MDGA1: variants seen among roughly 807,000 people sequenced by gnomAD.
The protein encoded by MDGA1 is MAM domain-containing glycosylphosphatidylinositol anchor protein 1.
MDGA1 carries 54 observed loss-of-function variants against 101.5 expected under a neutral mutation model. The observed-to-expected ratio is 0.53, with a 90% CI of 0.43 to 0.67. The LOEUF (loss-of-function observed/expected upper bound fraction) is 0.67, where lower values mean the gene tolerates loss of function less well. Among genes scored for constraint, MDGA1 ranks in the 30% least tolerant of loss-of-function variants. The pLI is 0.00. For synonymous variants in MDGA1, 533 were observed against 558.3 expected, an observed-to-expected ratio of 0.95 and a Z score of 0.64; for missense variants, 1,083 against 1,323.8, an observed-to-expected ratio of 0.82 and a Z score of 2.82.
chr6:37,665,741 T>TTTGTGTC, intron 1 of MDGA1, among the ~76,000 whole-genome samples: 1 of 152,336 alleles, frequency 6.6e-6, no homozygotes, highest in East Asian at 1.9e-4. Context: ...ACTAAGTGCC[T>TTTGTGTC]TTGTGTCTTC....
intron 1 of MDGA1, among the ~76,000 whole-genome samples, chr6:37,692,637 C>A (rs957286476): frequency 6.6e-6 from 1 of 152,008 alleles, no homozygotes; most frequent in African/African-American, 2.4e-5. Flanking sequence ...CGGGCCTTGG[C>A]GGCTGTGATT....
rs768862034 is a variant in MDGA1 at position 37,646,039 on chromosome 6, G to A, written c.2225-83C>T. The A allele has an allele frequency of 8.1e-6, 13 of 1,596,882 alleles. No individual in the cohort carries two copies. In the Admixed American group the frequency reaches 1.0e-4, roughly 12 times the overall value. ...TACCCTGCTTGGGACCAGAGGACAG[G>A]GTCCTCAGAGCCAGGACTGGGGGCC... On this transcript the variant is annotated intron_variant, in intron 11 of 16. Coordinates refer to ENST00000434837, the MANE Select transcript of MDGA1 (RefSeq NM_153487.4).
chr6:37,678,003 A>C (rs1762017810), intron 1 of MDGA1, among the ~76,000 whole-genome samples: 1 of 152,170 alleles, frequency 6.6e-6, no homozygotes, highest in Admixed American at 6.5e-5. Context: ...CCTCCAGGCC[A>C]GGCCTTGGCT....
intron 1 of MDGA1, among the ~76,000 whole-genome samples, chr6:37,672,991 T>A (rs563935333): frequency 7.5e-4 from 112 of 148,478 alleles, no homozygotes; most frequent in African/African-American, 2.7e-3. Flanking sequence ...AGCTACCCTT[T>A]ATTGACATTT....
chr6:37,658,968 C>CAAAAA (rs34087406), intron 2 of MDGA1, among the ~76,000 whole-genome samples: 3 of 109,498 alleles, frequency 2.7e-5, no homozygotes, highest in East Asian at 2.6e-4. Flanking sequence ...AAGACTGTTT[C>CAAAAA]AAAAAAAAAA....
At chr6:37,682,469 G>T (rs538161287) in intron 1 of MDGA1, among the ~76,000 whole-genome samples, 12 of 152,328 alleles carry the variant, frequency 7.9e-5, no homozygotes, top group African/African-American at 2.6e-4. Flanking sequence ...GGGTGACAGA[G>T]AGAGACTCTG....
intron 1 of MDGA1, among the ~76,000 whole-genome samples, chr6:37,683,541 C>G (rs1279273228): frequency 2.6e-5 from 4 of 152,248 alleles, no homozygotes; most frequent in Non-Finnish European, 4.4e-5. Context: ...AGGGCCATCT[C>G]TGGCCACTAG....
chr6:37,655,137 C>G lies in MDGA1; in HGVS notation c.580-205G>C, dbSNP rs1340616564. 3.2e-6 allele frequency: 2 copies of G among 623,700 alleles called. No individual in the cohort carries two copies. Among genetic ancestry groups the G allele is most frequent in the Non-Finnish European group, 5.5e-6 (2 of 363,026 alleles). The allele number at this position is 623,700 out of a possible 1,614,324, so 38.6% of individuals were successfully genotyped here. On this transcript the variant is annotated intron_variant, in intron 4 of 16. Transcript: ENST00000434837. The surrounding 1 kb of genome is among the most constrained non-coding windows in gnomAD (Gnocchi z 5.1). ...CTCCATAGCCTTGGCAGTGCCTCAT[C>G]ATGGGATTCTCTGGGTCTGAGGTTG...
chr6:37,658,669 C>T (rs561702122), intron 2 of MDGA1, among the ~76,000 whole-genome samples: 196 of 152,220 alleles, frequency 1.3e-3, no homozygotes, highest in African/African-American at 4.6e-3. Flanking sequence ...CGCGCAGTGC[C>T]GTGGTTAAGA....
Position 37,655,820 on chromosome 6 carries a change from C to T in MDGA1, c.459G>A (p.Val153=). Residue 153 remains valine, a synonymous_variant, in exon 4 of 17, where the codon GTG becomes GTA. Transcript: ENST00000434837. The surrounding 1 kb of genome is among the most constrained non-coding windows in gnomAD (Gnocchi z 5.1). ...TGGAGTTGACAGTACAGCGCAGGAACACCGTCTTCTCCTGGTAGAAGTTGC... is the reference window on the plus strand; with the variant it reads ...TGGAGTTGACAGTACAGCGCAGGAATACCGTCTTCTCCTGGTAGAAGTTGC... The part of the protein sequence containing the change: ...VRGNFYQEKT[V]FLRCTVNSNP... The T allele has an allele frequency of 6.2e-7, 1 of 1,613,714 alleles. No homozygotes were observed. The highest frequency in any genetic ancestry group is 8.5e-7 in the Non-Finnish European group (1 of 1,179,762).
chr6:37,652,025 A>T lies in MDGA1; in HGVS notation c.1298T>A (p.Ile433Asn). Residue 433 changes from isoleucine (I) to asparagine (N), a missense_variant, in exon 7 of 17, where the codon ATC (isoleucine) becomes AAC (asparagine). Ile to Asn is a moderately radical substitution (Grantham distance 149). This residue lies in a region of MDGA1 where 657 missense variants were observed against 771.4 expected (regional missense o/e 0.85). Transcript: ENST00000434837. The surrounding 1 kb of genome is among the most constrained non-coding windows in gnomAD (Gnocchi z 4.3). ...PVPDLSVEVN[I>N]SSETVPPTIS... ...CAGCTGCCCACCTGTCTCAGAGGAGATGTTGACCTCGACGCTGAGGTCGGG... is the reference window on the plus strand; with the variant it reads ...CAGCTGCCCACCTGTCTCAGAGGAGTTGTTGACCTCGACGCTGAGGTCGGG... 1 of 1,596,186 alleles carries T rather than the reference A, an allele frequency of 6.3e-7. No individual in the cohort carries two copies. Among genetic ancestry groups the T allele is most frequent in the Non-Finnish European group, 8.5e-7 (1 of 1,173,038 alleles).
intron 9 of MDGA1, chr6:37,648,775 A>G: frequency 1.1e-6 from 1 of 943,486 alleles, no homozygotes; most frequent in Non-Finnish European, 1.5e-6. Flanking sequence ...CGGGGCTGGG[A>G]GGCCCAGGTT....
intron 1 of MDGA1, among the ~76,000 whole-genome samples, chr6:37,676,458 A>G (rs1291029679): frequency 6.6e-6 from 1 of 152,238 alleles, no homozygotes. Flanking sequence ...GTTCTGGCAC[A>G]GGCCTGAATG....
At chr6:37,644,433 T>G in intron 13 of MDGA1, 64 bp downstream of exon 13, 1 of 1,429,676 alleles carries the variant, frequency 7.0e-7, no homozygotes, top group Non-Finnish European at 9.2e-7. Context: ...CAGTCTGGGG[T>G]GCCCTGGGCC....
At position 37,652,976 on chromosome 6, in the gene MDGA1, C is replaced by T. The variant is rs1008032632; in HGVS notation, c.983-636G>A. Reference sequence around the variant, plus strand: ...TAATTTTTGTAATAAGAGACCAATACGATCACTTTACATGCAATTACATGA... The same window carrying T: ...TAATTTTTGTAATAAGAGACCAATATGATCACTTTACATGCAATTACATGA... On this transcript the variant is annotated intron_variant, in intron 6 of 16. Coordinates refer to ENST00000434837, the MANE Select transcript of MDGA1 (RefSeq NM_153487.4). This position sits in a 1 kb window ranked among gnomAD's most constrained non-coding sequence, Gnocchi z 4.3. Among the ~76,000 whole-genome samples, 3 of 152,080 alleles carry T rather than the reference C, an allele frequency of 2.0e-5. No individual in the cohort carries two copies. The highest frequency in any genetic ancestry group is 2.4e-5 in the African/African-American group (1 of 41,382).
rs894938197 is a variant in MDGA1, at chr6:37,635,612, G to A, written c.*1756C>T. 1.8e-5 allele frequency: 7 copies of A among 398,662 alleles called. No individual in the cohort carries two copies. In the South Asian group the frequency reaches 3.8e-4, roughly 22 times the overall value. The allele number at this position is 398,662 out of a possible 1,614,324, so 24.7% of individuals were successfully genotyped here. A position where few individuals can be genotyped will look rare whatever the true frequency, so the allele number is the denominator to read the frequency against. On this transcript the variant is annotated 3_prime_UTR_variant, in exon 17 of 17. Transcript: ENST00000434837. ...GGGGGAGATGGGCAGCCTTTGCCTC[G>A]GTTCCCCGCCTGCCTCCTGGCACTG...
chr6:37,643,748 C>A, intron 14 of MDGA1, 61 bp downstream of exon 14: 1 of 1,600,160 alleles, frequency 6.2e-7, no homozygotes, highest in Non-Finnish European at 8.5e-7. Flanking sequence ...TCCTGTGGAC[C>A]CCACTCCCCT....
At chr6:37,689,160 T>TC (rs1463713827) in intron 1 of MDGA1, among the ~76,000 whole-genome samples, 1 of 152,096 alleles carries the variant, frequency 6.6e-6, no homozygotes, top group Non-Finnish European at 1.5e-5. Flanking sequence ...TCGGGTCATG[T>TC]CCCCTCTCAG....
At chr6:37,681,049 G>A (rs1762086794) in intron 1 of MDGA1, among the ~76,000 whole-genome samples, 1 of 152,262 alleles carries the variant, frequency 6.6e-6, no homozygotes, top group African/African-American at 2.4e-5. Flanking sequence ...CGGCTGGCAT[G>A]GGGGGTTAAG....
Sources: gnomAD v4.1 joint callset for allele counts (sites outside exome capture counted in the v4.1 genomes callset) on GRCh38, gnomAD v4.1.1 for gene constraint, gnomAD v4.1.1 regional missense constraint, Gnocchi (gnomAD v3.1) non-coding constraint, MANE v1.5 for transcripts, NCBI Gene and HGNC (gene_info 2026-07-23, HGNC 2026-07-21) for gene names.